Variants in PLCXD3 observed in about 807,000 individuals in gnomAD.
The protein encoded by PLCXD3 is PI-PLC X domain-containing protein 3.
A neutral mutation model predicts 25.5 loss-of-function variants in PLCXD3; 19 were observed. The observed-to-expected ratio is 0.75, with a 90% confidence interval of 0.52 to 1.09. PLCXD3 has a LOEUF of 1.09. Ranked by LOEUF, PLCXD3 falls within the 50% of genes least tolerant of loss-of-function variation. The pLI is 0.00. For missense variants in PLCXD3, 411 were observed against 388.1 expected, an observed-to-expected ratio of 1.06 and a Z score of -0.50; for synonymous variants, 174 against 137.6, an observed-to-expected ratio of 1.26 and a Z score of -1.85.
intron 2 of PLCXD3, among the ~76,000 whole-genome samples, chr5:41,329,297 G>A (rs141641473): frequency 1.4e-4 from 21 of 152,252 alleles, no homozygotes; most frequent in African/African-American, 4.8e-4. Flanking sequence ...AATTGTAATC[G>A]TATTTATGCG....
intron 1 of PLCXD3, among the ~76,000 whole-genome samples, chr5:41,433,733 A>G (rs573558432): frequency 6.6e-6 from 1 of 152,362 alleles, no homozygotes; most frequent in Non-Finnish European, 1.5e-5. Flanking sequence ...AGCCTTGCTC[A>G]TCTCAGCTGA....
intron 2 of PLCXD3, among the ~76,000 whole-genome samples, chr5:41,325,613 T>C (rs1339396326): frequency 4.1e-4 from 62 of 152,218 alleles, no homozygotes; most frequent in Admixed American, 4.1e-3. Flanking sequence ...ATTTTTGTTT[T>C]TTTGCCATTG....
chr5:41,385,100 A>G (rs1745596385), intron 1 of PLCXD3, among the ~76,000 whole-genome samples: 1 of 152,092 alleles, frequency 6.6e-6, no homozygotes, highest in African/African-American at 2.4e-5. Context: ...TCACTGAACT[A>G]GTAAGTTTTC....
At chr5:41,393,959 C>G (rs7713441) in intron 1 of PLCXD3, among the ~76,000 whole-genome samples, 130,218 of 152,026 alleles carry the variant, frequency 0.86, 56,083 homozygotes, top group Middle Eastern at 0.88. Context: ...ACACCTCACT[C>G]GTAATAGTAA....
At chr5:41,492,855 C>T (rs1748735777) in intron 1 of PLCXD3, among the ~76,000 whole-genome samples, 1 of 152,190 alleles carries the variant, frequency 6.6e-6, no homozygotes, top group African/African-American at 2.4e-5. Flanking sequence ...AAGTTTTCAA[C>T]TTCTTTGCCT....
At chr5:41,331,980 C>T in intron 2 of PLCXD3, among the ~76,000 whole-genome samples, 1 of 152,110 alleles carries the variant, frequency 6.6e-6, no homozygotes, top group Non-Finnish European at 1.5e-5. Context: ...GACCTAAAAC[C>T]TTAAAAACCC....
chr5:41,427,218 T>A (rs1746981703), intron 1 of PLCXD3, among the ~76,000 whole-genome samples: 1 of 152,176 alleles, frequency 6.6e-6, no homozygotes, highest in South Asian at 2.1e-4. Context: ...TATCTTCTGT[T>A]TCTTTCTTGC....
intron 2 of PLCXD3, among the ~76,000 whole-genome samples, chr5:41,373,407 C>T (rs530377523): frequency 4.9e-4 from 75 of 152,232 alleles, no homozygotes; most frequent in African/African-American, 1.8e-3. Flanking sequence ...TGCATGTTTA[C>T]TTATTTATAA....
At chr5:41,459,962 T>C (rs1045383929) in intron 1 of PLCXD3, among the ~76,000 whole-genome samples, 1 of 151,936 alleles carries the variant, frequency 6.6e-6, no homozygotes, top group Non-Finnish European at 1.5e-5. Flanking sequence ...GAGCTAATAC[T>C]AGCGTTCAAG....
rs752672372 is a variant in PLCXD3, at chr5:41,453,702, A to G, written c.103+56722T>C. ...GGTAAGTACAAAATATATTTCCTCA[A>G]TGGAATTTATAAGCTTTCTCTGCCT... is the stretch of plus-strand genomic sequence containing the variant. On this transcript the variant is annotated intron_variant, in intron 1 of 2. Transcript: ENST00000377801. Among the ~76,000 whole-genome samples, 22 of 152,144 alleles carry G rather than the reference A, an allele frequency of 1.4e-4. 1 individual carries two copies. Among genetic ancestry groups the G allele is most frequent in the African/African-American group, 2.2e-4 (9 of 41,544 alleles).
intron 1 of PLCXD3, among the ~76,000 whole-genome samples, chr5:41,414,304 G>C (rs757765152): frequency 2.0e-5 from 3 of 151,828 alleles, no homozygotes; most frequent in Non-Finnish European, 2.9e-5. Flanking sequence ...GCGCGATCTC[G>C]GCTCACCGCA....
intron 2 of PLCXD3, among the ~76,000 whole-genome samples, chr5:41,338,230 T>G (rs1028020272): frequency 2.0e-5 from 3 of 152,174 alleles, no homozygotes; most frequent in Non-Finnish European, 2.9e-5. Context: ...AGATTAAAGA[T>G]GTGCCTAAAA....
At chr5:41,424,863 C>T (rs961110369) in intron 1 of PLCXD3, among the ~76,000 whole-genome samples, 1 of 152,030 alleles carries the variant, frequency 6.6e-6, no homozygotes, top group Admixed American at 6.6e-5. Flanking sequence ...ATTTTGTATT[C>T]TATATTATCA....
At chr5:41,372,575 C>T (rs1272562267) in intron 2 of PLCXD3, among the ~76,000 whole-genome samples, 1 of 152,042 alleles carries the variant, frequency 6.6e-6, no homozygotes, top group Non-Finnish European at 1.5e-5. Context: ...ACAACGCTTC[C>T]TCTTGCCATA....
intron 2 of PLCXD3, among the ~76,000 whole-genome samples, chr5:41,363,309 C>T (rs1744842866): frequency 6.6e-6 from 1 of 152,166 alleles, no homozygotes; most frequent in Admixed American, 6.6e-5. Flanking sequence ...AGTACAGTCA[C>T]TAGCATACAC....
chr5:41,390,552 G>T (rs1157400699), intron 1 of PLCXD3, among the ~76,000 whole-genome samples: 1 of 152,052 alleles, frequency 6.6e-6, no homozygotes, highest in Non-Finnish European at 1.5e-5. Flanking sequence ...CATTTGAGTG[G>T]TTGTACACTG....
chr5:41,395,928 G>A (rs1268717769), intron 1 of PLCXD3, among the ~76,000 whole-genome samples: 2 of 151,188 alleles, frequency 1.3e-5, no homozygotes, highest in African/African-American at 2.4e-5. Context: ...AATAGAGAAG[G>A]AGGGAAAATT....
At chr5:41,344,204 TAGA>T (rs1561239264) in intron 2 of PLCXD3, among the ~76,000 whole-genome samples, 1 of 152,094 alleles carries the variant, frequency 6.6e-6, no homozygotes, top group East Asian at 1.9e-4. Flanking sequence ...GAACACAGAA[TAGA>T]AGAAGACAAA....
chr5:41,438,103 G>A (rs1256363137), intron 1 of PLCXD3, among the ~76,000 whole-genome samples: 2 of 152,148 alleles, frequency 1.3e-5, no homozygotes, highest in Non-Finnish European at 2.9e-5. Flanking sequence ...TTGGAAAGGT[G>A]ACCACTAGCG....
Sources: allele counts gnomAD v4.1 joint callset (sites outside exome capture counted in the v4.1 genomes callset), GRCh38; gene constraint gnomAD v4.1.1; transcripts MANE v1.5; gene names NCBI Gene and HGNC (gene_info 2026-07-23, HGNC 2026-07-21).